TRAF1: variants seen among roughly 807,000 people sequenced by gnomAD.
TRAF1 encodes TNF receptor associated factor 1.
Under a neutral mutation model 40.9 loss-of-function variants are expected in TRAF1, and 23 were observed. That is an observed-to-expected ratio of 0.56 (90% CI 0.40 to 0.80). The LOEUF (loss-of-function observed/expected upper bound fraction) is 0.80, where lower values mean the gene tolerates loss of function less well. Ranked by LOEUF, TRAF1 falls within the 30% of genes least tolerant of loss-of-function variation. The pLI is 0.00. For synonymous variants in TRAF1, 206 were observed against 218.8 expected (o/e 0.94, Z 0.52); for missense variants, 477 against 528.7 (o/e 0.90, Z 0.96).
intron 3 of TRAF1, among the ~76,000 whole-genome samples, chr9:120,921,072 G>A (rs946533968): frequency 2.0e-5 from 3 of 152,060 alleles, no homozygotes; most frequent in Non-Finnish European, 4.4e-5. Flanking sequence ...GACTCCACGA[G>A]GTGGGGAAGC....
intron 3 of TRAF1, among the ~76,000 whole-genome samples, chr9:120,921,497 TA>T (rs372652829): frequency 2.0e-5 from 3 of 152,072 alleles, no homozygotes; most frequent in African/African-American, 7.2e-5. Context: ...TAAAACAAGC[TA>T]AAAACAACAG....
intron 3 of TRAF1, among the ~76,000 whole-genome samples, chr9:120,921,736 T>C (rs547382071): frequency 3.3e-5 from 5 of 152,252 alleles, no homozygotes; most frequent in African/African-American, 4.8e-5. Context: ...GGCCTGCCGA[T>C]GGAGAGGTTG....
chr9:120,914,680 C>T, intron 3 of TRAF1: 5 of 664,652 alleles, frequency 7.5e-6, no homozygotes, highest in Non-Finnish European at 7.5e-6. Flanking sequence ...TCAGAACACA[C>T]TGACTGCATG....
intron 3 of TRAF1, 140 bp from the exon 4 acceptor site, chr9:120,914,440 T>A: frequency 1.6e-6 from 2 of 1,238,716 alleles, no homozygotes; most frequent in Non-Finnish European, 2.0e-6. Flanking sequence ...CCTTTGGCTA[T>A]CTCCTTTCCA....
intron 3 of TRAF1, among the ~76,000 whole-genome samples, chr9:120,922,894 G>A (rs2046614175): frequency 6.6e-6 from 1 of 152,124 alleles, no homozygotes. Context: ...CTGGAGTGTA[G>A]TGGCACGATC....
intron 6 of TRAF1, 144 bp from the exon 7 acceptor site, chr9:120,909,522 T>A: frequency 6.2e-6 from 6 of 971,664 alleles, no homozygotes; most frequent in Non-Finnish European, 9.1e-6. Context: ...TCGAGTAGGG[T>A]GTCAGACAGG....
At position 120,905,431 on chromosome 9, in the gene TRAF1, C is replaced by A. The variant is rs568827327; in HGVS notation, c.1033-193G>T. On this transcript the variant is annotated intron_variant, in intron 7 of 7. Transcript: ENST00000373887. ...CGTATGGCCAGACCCAGGGAGCCAG[C>A]GGCACCTGGTATTCTGAGTGCACTT... Among the ~76,000 whole-genome samples, 10 of 152,204 alleles carry A rather than the reference C, an allele frequency of 6.6e-5. No homozygotes were observed. In the East Asian group the frequency reaches 1.9e-3, roughly 29 times the overall value.
chr9:120,913,854 A>T (rs1251079667), intron 4 of TRAF1, 116 bp from the exon 5 acceptor site: 4 of 1,255,026 alleles, frequency 3.2e-6, no homozygotes. Context: ...AGCAAAAAGG[A>T]GTGGCTTTCT....
intron 5 of TRAF1, among the ~76,000 whole-genome samples, chr9:120,912,039 T>A (rs1416985856): frequency 6.6e-6 from 1 of 152,200 alleles, no homozygotes; most frequent in Non-Finnish European, 1.5e-5. Context: ...CTGGCCCTTC[T>A]AATAGCTTTC....
At position 120,922,138 on chromosome 9, in the gene TRAF1, C is replaced by T. The variant is rs542458858; in HGVS notation, c.228+1567G>A. ...CACTTCCCAGTGGAGGTAGAGAGGGCGGCTGAGCAACGAGACTCCTCTGCA... is the reference window on the plus strand; with the variant it reads ...CACTTCCCAGTGGAGGTAGAGAGGGTGGCTGAGCAACGAGACTCCTCTGCA... On this transcript the variant is annotated intron_variant, in intron 3 of 7. Coordinates refer to ENST00000373887, the MANE Select transcript of TRAF1 (RefSeq NM_005658.5). Among the ~76,000 whole-genome samples, 7 of 152,242 alleles carry T rather than the reference C, an allele frequency of 4.6e-5. No individual in the cohort carries two copies. In the East Asian group the frequency reaches 7.7e-4, roughly 17 times the overall value.
chr9:120,911,195 A>G, intron 6 of TRAF1, 141 bp downstream of exon 6: 2 of 964,178 alleles, frequency 2.1e-6, no homozygotes, highest in South Asian at 3.5e-5. Context: ...GTTCCTGCCC[A>G]TGGTGAGTGG....
intron 7 of TRAF1, among the ~76,000 whole-genome samples, chr9:120,908,839 C>T (rs1437773436): frequency 6.6e-6 from 1 of 152,160 alleles, no homozygotes; most frequent in Non-Finnish European, 1.5e-5. Flanking sequence ...AGATTACAGG[C>T]TTGAGCCACC....
chr9:120,925,886 C>T (rs763506782), intron 2 of TRAF1, 50 bp downstream of exon 2: 1 of 1,610,972 alleles, frequency 6.2e-7, no homozygotes, highest in South Asian at 1.1e-5. Context: ...ATCAGGGGTC[C>T]CTCCCTGGCA....
chr9:120,915,980 T>C (rs1281769578), intron 3 of TRAF1, among the ~76,000 whole-genome samples: 4 of 152,200 alleles, frequency 2.6e-5, no homozygotes, highest in Non-Finnish European at 5.9e-5. Context: ...GGAATTTACC[T>C]AAGAGAAAGT....
chr9:120,920,971 G>C lies in TRAF1; in HGVS notation c.228+2734C>G, dbSNP rs117003035. Among the ~76,000 whole-genome samples the C allele has an allele frequency of 1.5e-4, 23 of 152,296 alleles. No homozygotes were observed. The East Asian group carries it at 4.1e-3, about 27-fold the overall frequency. The stretch of plus-strand genomic sequence containing the variant: ...TCCCACTGGGGCAAAAGTCAGAGGA[G>C]TCCCTGGTCCTTCCCCTATGTGGCT... On this transcript the variant is annotated intron_variant, in intron 3 of 7. Coordinates refer to ENST00000373887, the MANE Select transcript of TRAF1 (RefSeq NM_005658.5).
At chr9:120,919,254 A>C (rs1341871648) in intron 3 of TRAF1, among the ~76,000 whole-genome samples, 1 of 152,172 alleles carries the variant, frequency 6.6e-6, no homozygotes, top group Non-Finnish European at 1.5e-5. Context: ...ATTTCCTCCG[A>C]GGAGGAGACA....
chr9:120,926,474 G>A, intron 1 of TRAF1, 76 bp downstream of exon 1: 1 of 156,042 alleles, frequency 6.4e-6, no homozygotes, highest in Non-Finnish European at 1.4e-5. Context: ...CATCGGAGGA[G>A]GGGGCCACAG....
chr9:120,924,136 T>C (rs896239350), intron 2 of TRAF1, among the ~76,000 whole-genome samples: 3 of 152,186 alleles, frequency 2.0e-5, no homozygotes, highest in African/African-American at 7.2e-5. Flanking sequence ...AATTACATGA[T>C]GCCCTGATTT....
chr9:120,915,283 C>A (rs1430776688), intron 3 of TRAF1, among the ~76,000 whole-genome samples: 1 of 152,202 alleles, frequency 6.6e-6, no homozygotes, highest in Non-Finnish European at 1.5e-5. Context: ...TGCCCCTAGG[C>A]TACAAACCTG....
Sources: gnomAD v4.1 joint callset for allele counts (sites outside exome capture counted in the v4.1 genomes callset) on GRCh38, gnomAD v4.1.1 for gene constraint, MANE v1.5 for transcripts, NCBI Gene and HGNC (gene_info 2026-07-23, HGNC 2026-07-21) for gene names.